The following HSP90AA1 variants were observed in gnomAD, a reference collection of about 807,000 sequenced individuals.
The protein encoded by HSP90AA1 is heat shock protein 90 alpha family class A member 1.
Under a neutral mutation model 73.3 loss-of-function variants are expected in HSP90AA1, and 18 were observed. The ratio of observed to expected loss-of-function variants is 0.25; its 90% CI spans 0.17 to 0.36. HSP90AA1 has a LOEUF of 0.36. HSP90AA1 is among the 10% of genes least tolerant of loss of function. The probability of loss-of-function intolerance (pLI) is 1.00; values close to 1 mark genes in which losing one functional copy is unlikely to be tolerated. For missense variants in HSP90AA1, 704 were observed against 874.2 expected, an observed-to-expected ratio of 0.81 and a Z score of 2.45; for synonymous variants, 477 against 296.9, an observed-to-expected ratio of 1.61 and a Z score of -6.24.
At chr14:102,085,252 A>G (rs373987137) in intron 4 of HSP90AA1, 46 bp downstream of exon 4, 118 of 1,590,162 alleles carry the variant, frequency 7.4e-5, no homozygotes, top group Non-Finnish European at 1.0e-4. Flanking sequence ...AGTCACCCCA[A>G]TCACCTACAG....
Position 102,084,692 on chromosome 14 carries a change from A to T in HSP90AA1, c.970T>A (p.Leu324Met), listed in dbSNP as rs2152611493. The change falls in exon 5 of 11, where the codon TTG becomes ATG. Residue 324 changes from leucine to methionine, a missense_variant. Coordinates refer to ENST00000216281, the MANE Select transcript of HSP90AA1 (RefSeq NM_005348.4). The stretch of plus-strand genomic sequence containing the variant: ...CATCAGTCACTCACCTTCACTGCCA[A>T]GTGATCTTCCCAGTCATTGGTCAAG... ...KSLTNDWEDH[L>M]AVKHFSVEGQ... 6.2e-7 allele frequency: 1 copy of T among 1,613,812 alleles called. No individual in the cohort carries two copies. Among genetic ancestry groups the T allele is most frequent in the East Asian group, 2.2e-5 (1 of 44,872 alleles).
chr14:102,114,070 G>A (rs1334767616), intron 1 of HSP90AA1, among the ~76,000 whole-genome samples: 1 of 151,906 alleles, frequency 6.6e-6, no homozygotes, highest in Non-Finnish European at 1.5e-5. Flanking sequence ...GCAGAGTCAT[G>A]ATCTCATGTC....
At chr14:102,110,733 C>T (rs868716330) in intron 1 of HSP90AA1, among the ~76,000 whole-genome samples, 3 of 152,148 alleles carry the variant, frequency 2.0e-5, no homozygotes, top group Non-Finnish European at 4.4e-5. Flanking sequence ...GTGCCCCCCA[C>T]CACGCCCGGC....
chr14:102,084,056 C>A, intron 6 of HSP90AA1, 73 bp from the exon 7 acceptor site: 1 of 1,126,876 alleles, frequency 8.9e-7, no homozygotes, highest in South Asian at 1.3e-5. Flanking sequence ...CTCCCAAAAT[C>A]AAAGATAACC....
At chr14:102,095,370 C>G (rs2049410798) in intron 2 of HSP90AA1, among the ~76,000 whole-genome samples, 1 of 152,084 alleles carries the variant, frequency 6.6e-6, no homozygotes, top group Non-Finnish European at 1.5e-5. Flanking sequence ...ACTCTTTCTT[C>G]CCTATCACCC....
chr14:102,086,146 T>C (rs201132542), intron 2 of HSP90AA1, 22 bp from the exon 3 acceptor site: 147 of 1,613,980 alleles, frequency 9.1e-5, no homozygotes, highest in Middle Eastern at 8.2e-4. Context: ...AAATATTAAT[T>C]TAAGCATACA....
At chr14:102,134,061 G>C (rs1381985938) in intron 1 of HSP90AA1, among the ~76,000 whole-genome samples, 1 of 151,420 alleles carries the variant, frequency 6.6e-6, no homozygotes, top group Non-Finnish European at 1.5e-5. Context: ...TGAGGCAGGA[G>C]AATTGCTTCA....
intron 9 of HSP90AA1, chr14:102,082,648 T>G: frequency 1.7e-6 from 1 of 589,312 alleles, no homozygotes; most frequent in Admixed American, 2.9e-5. Flanking sequence ...TGAGATAGAG[T>G]CTCGCTCCAT....
exon 1 of HSP90AA1, chr14:102,139,674 G>A (rs1186966831): frequency 6.1e-6 from 4 of 656,886 alleles, no homozygotes; most frequent in African/African-American, 1.8e-5. Flanking sequence ...CATGCCGCCC[G>A]GAGGCCACAC....
At chr14:102,124,408 G>A (rs925995871) in intron 1 of HSP90AA1, among the ~76,000 whole-genome samples, 3 of 151,922 alleles carry the variant, frequency 2.0e-5, no homozygotes, top group African/African-American at 7.3e-5. Context: ...GGCCAGGTTG[G>A]TCTTGAACTC....
chr14:102,136,849 T>C (rs969068654), intron 1 of HSP90AA1, among the ~76,000 whole-genome samples: 2 of 148,286 alleles, frequency 1.3e-5, no homozygotes, highest in Non-Finnish European at 3.0e-5. Flanking sequence ...GATTGAGCCA[T>C]TGCACTCAAG....
chr14:102,135,769 T>C (rs1190375746), intron 1 of HSP90AA1, among the ~76,000 whole-genome samples: 1 of 152,210 alleles, frequency 6.6e-6, no homozygotes, highest in East Asian at 1.9e-4. Context: ...AAGTCCCTCA[T>C]TGCCCGGGGC....
At chr14:102,101,467 T>C (rs2152619337) in intron 2 of HSP90AA1, among the ~76,000 whole-genome samples, 1 of 152,316 alleles carries the variant, frequency 6.6e-6, no homozygotes, top group South Asian at 2.1e-4. Flanking sequence ...CACTGCCCGC[T>C]TCTTCACGCC....
chr14:102,092,916 T>C (rs773372106), intron 2 of HSP90AA1, among the ~76,000 whole-genome samples: 6 of 151,972 alleles, frequency 3.9e-5, no homozygotes, highest in South Asian at 2.1e-4. Flanking sequence ...CAGCTAATTT[T>C]TGCTTTTTAA....
At chr14:102,103,569 C>T (rs866807040) in intron 1 of HSP90AA1, among the ~76,000 whole-genome samples, 2 of 151,492 alleles carry the variant, frequency 1.3e-5, no homozygotes. Context: ...GTTGGGAGGC[C>T]GAGGGGGGTG....
At chr14:102,085,518 G>C (rs1361829472) in intron 3 of HSP90AA1, 87 bp from the exon 4 acceptor site, 18 of 1,385,382 alleles carry the variant, frequency 1.3e-5, no homozygotes, top group Non-Finnish European at 1.4e-5. Context: ...TGTCTATAAA[G>C]CAAGGTTTGC....
rs558078515 is a variant in HSP90AA1, at chr14:102,130,233, C to T, written c.155+9017G>A. On this transcript the variant is annotated intron_variant, in intron 1 of 11. Coordinates refer to the HSP90AA1 transcript ENST00000334701. ...ATCCACCTGCCTCGGCCTCCCAAAA[C>T]GCTGGGATTACAGACATGAGCCACT... Among the ~76,000 whole-genome samples, 29 of 152,050 alleles carry T rather than the reference C, an allele frequency of 1.9e-4. No individual in the cohort carries two copies. In the South Asian group the frequency reaches 3.9e-3, roughly 21 times the overall value.
chr14:102,098,205 A>C (rs7160793), intron 2 of HSP90AA1, among the ~76,000 whole-genome samples: 1 of 151,650 alleles, frequency 6.6e-6, no homozygotes, highest in Non-Finnish European at 1.5e-5. Flanking sequence ...TCTGTCTCCC[A>C]AGCTGGAGTG....
At chr14:102,137,553 G>C (rs1036938887) in intron 1 of HSP90AA1, among the ~76,000 whole-genome samples, 33 of 151,858 alleles carry the variant, frequency 2.2e-4, no homozygotes, top group African/African-American at 5.8e-4. Flanking sequence ...TCAAACTCCT[G>C]ACCTCGTGAT....
Sources: allele counts gnomAD v4.1 joint callset (sites outside exome capture counted in the v4.1 genomes callset), GRCh38; gene constraint gnomAD v4.1.1; transcripts MANE v1.5; gene names NCBI Gene and HGNC (gene_info 2026-07-23, HGNC 2026-07-21).